FOXP2: variants seen among roughly 807,000 people sequenced by gnomAD.
FOXP2 encodes forkhead box P2.
A neutral mutation model predicts 115.8 loss-of-function variants in FOXP2; 12 were observed. The observed-to-expected ratio is 0.10, with a 90% CI of 0.07 to 0.17. The LOEUF (loss-of-function observed/expected upper bound fraction) is 0.17. Ranked by LOEUF, FOXP2 falls within the 10% of genes least tolerant of loss-of-function variation. The probability of loss-of-function intolerance (pLI) is 1.00; values close to 1 mark genes in which losing one functional copy is unlikely to be tolerated. For synonymous variants in FOXP2, 328 were observed against 297.7 expected (o/e 1.10, Z -1.05); for missense variants, 629 against 843.5 (o/e 0.75, Z 3.15).
intron 8 of FOXP2, among the ~76,000 whole-genome samples, chr7:114,649,268 C>T (rs1460356848): frequency 6.6e-6 from 1 of 151,892 alleles, no homozygotes; most frequent in Admixed American, 6.6e-5. Context: ...TTGAAGCAGC[C>T]GTAATTTATG....
At position 114,172,885 on chromosome 7, in the gene FOXP2, A is replaced by G. The variant is rs556100023; in HGVS notation, c.-102+9797A>G. On this transcript the variant is annotated intron_variant, in intron 1 of 17. Coordinates refer to the FOXP2 transcript ENST00000634411. ...GTAAAAACATAGAATTTAAAAAACA[A>G]TATTTCGTGATGTTACAAAGCAGTG... Among the ~76,000 whole-genome samples, 6 of 152,228 alleles carry G rather than the reference A, an allele frequency of 3.9e-5. No homozygotes were observed. The South Asian group carries it at 6.2e-4, about 16-fold the overall frequency.
rs576732755 is a variant in FOXP2 at position 114,531,436 on chromosome 7, T to A, written c.169-3181T>A. ...CAAAGATGAACTAAATGTCATCTAA[T>A]TGCTCAGAGACCTGAGCAATTGTTT... On this transcript the variant is annotated intron_variant, in intron 2 of 16. Transcript: ENST00000350908. 3.2e-3 allele frequency among the ~76,000 whole-genome samples: 487 copies of A among 152,040 alleles called. 3 individuals carry two copies. Among genetic ancestry groups the A allele is most frequent in the African/African-American group, 0.011 (475 of 41,538 alleles).
intron 1 of FOXP2, among the ~76,000 whole-genome samples, chr7:114,182,532 T>C (rs770410831): frequency 6.6e-6 from 1 of 152,072 alleles, no homozygotes; most frequent in Non-Finnish European, 1.5e-5. Flanking sequence ...TCAAGAGATA[T>C]TCACATTTGG....
At chr7:114,395,765 C>T (rs1253401912) in intron 2 of FOXP2, among the ~76,000 whole-genome samples, 2 of 151,738 alleles carry the variant, frequency 1.3e-5, no homozygotes, top group Non-Finnish European at 2.9e-5. Context: ...AACATAATGT[C>T]CTCCAGGTTC....
chr7:114,686,581 T>C (rs1212650360), intron 16 of FOXP2, among the ~76,000 whole-genome samples: 1 of 152,216 alleles, frequency 6.6e-6, no homozygotes, highest in East Asian at 1.9e-4. Context: ...AAATTTTAAC[T>C]TCAGTTTCAA....
chr7:114,676,254 TA>T (rs1305445930), intron 16 of FOXP2, among the ~76,000 whole-genome samples: 4 of 152,016 alleles, frequency 2.6e-5, no homozygotes, highest in Non-Finnish European at 4.4e-5. Context: ...CGGAGCTAGT[TA>T]ATGTATTCCA....
chr7:114,534,763 A>G lies in FOXP2; in HGVS notation c.258+57A>G, dbSNP rs1443528447. 7.3e-6 allele frequency: 10 copies of G among 1,365,378 alleles called. No homozygotes were observed. The East Asian group carries it at 1.6e-4, about 22-fold the overall frequency. 84.6% of individuals were successfully genotyped at this position (1,365,378 alleles called of 1,614,324 possible). A position where few individuals can be genotyped will look rare whatever the true frequency, so the allele number is the denominator to read the frequency against. On this transcript the variant is annotated intron_variant, in intron 3 of 16. Coordinates refer to ENST00000350908, the MANE Select transcript of FOXP2 (RefSeq NM_014491.4). The stretch of plus-strand genomic sequence containing the variant: ...ATTTTAAAAGATGTTCATAATGATA[A>G]CAGATGTGCAGACCCACTTGTATAT...
intron 2 of FOXP2, among the ~76,000 whole-genome samples, chr7:114,497,679 AAAT>A (rs1232421046): frequency 4.1e-5 from 6 of 147,054 alleles, no homozygotes; most frequent in Non-Finnish European, 8.9e-5. Context: ...ATAAATAAAT[AAAT>A]AAATAAATAA....
chr7:114,201,283 C>G (rs904225199), intron 1 of FOXP2, among the ~76,000 whole-genome samples: 10 of 151,976 alleles, frequency 6.6e-5, no homozygotes, highest in African/African-American at 2.4e-4. Context: ...ACAGCCTGGA[C>G]AACATGGTGA....
At chr7:114,359,338 C>T (rs1791691057) in intron 2 of FOXP2, among the ~76,000 whole-genome samples, 1 of 152,188 alleles carries the variant, frequency 6.6e-6, no homozygotes, top group Non-Finnish European at 1.5e-5. Flanking sequence ...GTGTGCTGCA[C>T]AGGCAGAGGG....
At position 114,139,562 on chromosome 7, in the gene FOXP2, A is replaced by C. The variant is rs1332537137; in HGVS notation, c.-246-23382A>C. 2.0e-5 allele frequency among the ~76,000 whole-genome samples: 3 copies of C among 152,148 alleles called. 1 individual carries two copies. The South Asian group carries it at 6.2e-4, about 31-fold the overall frequency. ...TACAAATTTTCTGCAGAATGCTGGAATCTCTACCTCACTAGATTTTTGGTG... is the reference window on the plus strand; with the variant it reads ...TACAAATTTTCTGCAGAATGCTGGACTCTCTACCTCACTAGATTTTTGGTG... On this transcript the variant is annotated intron_variant, in intron 1 of 19. Transcript: ENST00000635638.
At chr7:114,178,055 T>C (rs1425554453) in intron 1 of FOXP2, among the ~76,000 whole-genome samples, 1 of 151,976 alleles carries the variant, frequency 6.6e-6, no homozygotes, top group Non-Finnish European at 1.5e-5. Flanking sequence ...TTATGAATCA[T>C]ACATATGAAG....
chr7:114,116,194 A>G (rs577893337), intron 1 of FOXP2, among the ~76,000 whole-genome samples: 37 of 152,302 alleles, frequency 2.4e-4, no homozygotes, highest in African/African-American at 8.7e-4. Flanking sequence ...TCATGGTCCT[A>G]CAGGAGGGAA....
At chr7:114,676,027 A>G (rs1807737757) in intron 16 of FOXP2, among the ~76,000 whole-genome samples, 2 of 150,260 alleles carry the variant, frequency 1.3e-5, no homozygotes, top group South Asian at 4.2e-4. Context: ...CTCTTGCCTC[A>G]GCCTCCTGAG....
At chr7:114,314,438 G>A (rs1023903770) in intron 2 of FOXP2, among the ~76,000 whole-genome samples, 4 of 152,060 alleles carry the variant, frequency 2.6e-5, no homozygotes, top group Non-Finnish European at 5.9e-5. Context: ...CATGGGTAGT[G>A]TATGGATCAT....
intron 3 of FOXP2, among the ~76,000 whole-genome samples, chr7:114,623,697 C>T (rs371581101): frequency 1.1e-4 from 17 of 151,940 alleles, no homozygotes; most frequent in African/African-American, 4.1e-4. Context: ...CAAAGTTGGA[C>T]AAACACTACT....
At chr7:114,485,936 C>T (rs183984867) in intron 2 of FOXP2, among the ~76,000 whole-genome samples, 4 of 152,244 alleles carry the variant, frequency 2.6e-5, no homozygotes, top group South Asian at 2.1e-4. Context: ...ACCCTTTACA[C>T]GGAAGTCCTA....
intron 3 of FOXP2, among the ~76,000 whole-genome samples, chr7:114,574,406 G>T (rs753896420): frequency 6.6e-6 from 1 of 151,522 alleles, no homozygotes; most frequent in Non-Finnish European, 1.5e-5. Flanking sequence ...TTCAAATAGT[G>T]TCTAGTTTAA....
intron 1 of FOXP2, among the ~76,000 whole-genome samples, chr7:114,165,342 T>C (rs536134987): frequency 6.6e-6 from 1 of 152,290 alleles, no homozygotes; most frequent in East Asian, 1.9e-4. Flanking sequence ...AATAAAACTC[T>C]TCACTTGCAA....
Sources: gnomAD v4.1 joint callset for allele counts (sites outside exome capture counted in the v4.1 genomes callset) on GRCh38, gnomAD v4.1.1 for gene constraint, MANE v1.5 for transcripts, NCBI Gene and HGNC (gene_info 2026-07-23, HGNC 2026-07-21) for gene names.